Variants in RAD54B observed in about 807,000 individuals in gnomAD.
RAD54B encodes the protein RAD54 homolog B, also known as DNA repair and recombination protein RAD54B.
Under a neutral mutation model 95.8 loss-of-function variants are expected in RAD54B, and 78 were observed. The observed-to-expected ratio is 0.81, with a 90% CI of 0.68 to 0.98. The LOEUF (loss-of-function observed/expected upper bound fraction) is 0.98. Ranked by LOEUF, RAD54B falls within the 50% of genes least tolerant of loss-of-function variation. The pLI is 0.00. For missense variants in RAD54B, 957 were observed against 1,056.6 expected, an observed-to-expected ratio of 0.91 and a Z score of 1.31; for synonymous variants, 328 against 354.9, an observed-to-expected ratio of 0.92 and a Z score of 0.85.
chr8:94,386,322 TG>T (rs1304227311), intron 11 of RAD54B, among the ~76,000 whole-genome samples: 1 of 152,148 alleles, frequency 6.6e-6, no homozygotes, highest in East Asian at 1.9e-4. Context: ...CAAGGAATAA[TG>T]GGACAAGATG....
chr8:94,385,291 T>C (rs1242477383), intron 11 of RAD54B, among the ~76,000 whole-genome samples: 2 of 151,468 alleles, frequency 1.3e-5, no homozygotes, highest in African/African-American at 4.9e-5. Flanking sequence ...CTTCCAAAAC[T>C]CTTTTCACTC....
chr8:94,411,192 C>A lies in RAD54B; in HGVS notation c.428G>T (p.Gly143Val). 1 of 1,611,340 alleles carries A rather than the reference C, an allele frequency of 6.2e-7. No individual in the cohort carries two copies. Among genetic ancestry groups the A allele is most frequent in the Non-Finnish European group, 8.5e-7 (1 of 1,178,998 alleles). ...TCCTTTTACAATAAGAACAGCATCA[C>A]CTTCCCACTTTTTATGTTTTTTCTT... ...PSKKKHKKWEGDAVLIVKGKS... is the reference protein window; with the variant it reads ...PSKKKHKKWEVDAVLIVKGKS... Residue 143 changes from glycine (G) to valine (V), a missense_variant, in exon 4 of 15, where the codon GGT (glycine) becomes GTT (valine). Coordinates refer to ENST00000336148, the MANE Select transcript of RAD54B (RefSeq NM_012415.3).
intron 3 of RAD54B, among the ~76,000 whole-genome samples, chr8:94,413,747 A>G (rs1811583413): frequency 6.6e-6 from 1 of 152,316 alleles, no homozygotes; most frequent in African/African-American, 2.4e-5. Context: ...CATTAAAAAA[A>G]CAAAAGGGAA....
chr8:94,438,158 A>C (rs1812314990), intron 3 of RAD54B, among the ~76,000 whole-genome samples: 1 of 152,252 alleles, frequency 6.6e-6, no homozygotes, highest in Non-Finnish European at 1.5e-5. Flanking sequence ...GTAGTTCCAC[A>C]GAAATGCTAT....
At chr8:94,447,114 A>C (rs1812540429) in intron 3 of RAD54B, among the ~76,000 whole-genome samples, 2 of 152,204 alleles carry the variant, frequency 1.3e-5, no homozygotes, top group South Asian at 4.1e-4. Flanking sequence ...TGTGATGTTA[A>C]GCAGTTAAGA....
chr8:94,458,344 G>T lies in RAD54B; in HGVS notation c.228C>A (p.Ile76=). The T allele has an allele frequency of 1.9e-6, 3 of 1,610,008 alleles. No homozygotes were observed. Among genetic ancestry groups the T allele is most frequent in the Non-Finnish European group, 2.5e-6 (3 of 1,178,394 alleles). ...NLPSEESTRE[I]NNRDNCSGKY... ...TTCCACTGCAATTATCTCTGTTATT[G>T]ATTTCTCTAGTACTTTCTTCACTAG... Residue 76 remains isoleucine (I), a synonymous_variant, in exon 3 of 15, where the codon ATC becomes ATA. Coordinates refer to ENST00000336148, the MANE Select transcript of RAD54B (RefSeq NM_012415.3).
chr8:94,449,171 T>A (rs1812594178), intron 3 of RAD54B, among the ~76,000 whole-genome samples: 1 of 151,734 alleles, frequency 6.6e-6, no homozygotes, highest in South Asian at 2.1e-4. Context: ...TATTAGGTCT[T>A]ATACCACACC....
intron 8 of RAD54B, 48 bp from the exon 9 acceptor site, chr8:94,393,930 T>A (rs199934706): frequency 6.7e-7 from 1 of 1,492,566 alleles, no homozygotes; most frequent in African/African-American, 1.4e-5. Flanking sequence ...TGTTTTACAA[T>A]CACAATCTCA....
intron 11 of RAD54B, among the ~76,000 whole-genome samples, chr8:94,385,351 A>C (rs762752723): frequency 1.7e-4 from 9 of 54,524 alleles, no homozygotes; most frequent in Non-Finnish European, 2.6e-4. Context: ...CCTTCAGAGA[A>C]AAAAAAAAGT....
chr8:94,372,338 T>C lies in RAD54B; in HGVS notation c.2565A>G (p.Pro855=), dbSNP rs750478110. Residue 855 remains proline (P), a synonymous_variant, in exon 15 of 15, where the codon CCA becomes CCG. Transcript: ENST00000336148. Reference sequence around the variant, plus strand: ...TCAGGGAGTTAGATTTCTGGTGATGTGGACCAAGCTGACAATCTCTAGAGA... The same window carrying C: ...TCAGGGAGTTAGATTTCTGGTGATGCGGACCAAGCTGACAATCTCTAGAGA... ...FIVSRDCQLG[P]HHQKSNSLKP... The C allele has an allele frequency of 6.2e-7, 1 of 1,613,802 alleles. No homozygotes were observed.
intron 14 of RAD54B, among the ~76,000 whole-genome samples, chr8:94,377,714 C>A (rs982388704): frequency 6.6e-5 from 10 of 151,784 alleles, no homozygotes; most frequent in African/African-American, 2.2e-4. Context: ...CGGTGGCTCA[C>A]GCCTGTAATC....
At chr8:94,423,306 C>T (rs1052153744) in intron 3 of RAD54B, among the ~76,000 whole-genome samples, 2 of 152,092 alleles carry the variant, frequency 1.3e-5, no homozygotes, top group Admixed American at 1.3e-4. Flanking sequence ...TTGCTTGAAC[C>T]CAGAAGGCGG....
chr8:94,390,654 G>A (rs548984214), intron 10 of RAD54B, among the ~76,000 whole-genome samples: 323 of 124,412 alleles, frequency 2.6e-3, no homozygotes, highest in African/African-American at 8.4e-3. Context: ...CCAAAAAAAT[G>A]GGGATGGTAA....
At chr8:94,373,995 C>A (rs762557716) in intron 14 of RAD54B, among the ~76,000 whole-genome samples, 1 of 152,110 alleles carries the variant, frequency 6.6e-6, no homozygotes, top group Non-Finnish European at 1.5e-5. Flanking sequence ...AAAGAGATGA[C>A]AAGGCCGGGC....
intron 3 of RAD54B, among the ~76,000 whole-genome samples, chr8:94,444,421 A>C (rs1034339837): frequency 2.0e-5 from 3 of 151,994 alleles, no homozygotes; most frequent in African/African-American, 4.8e-5. Flanking sequence ...AAAAAAAAAA[A>C]AAAACTAAAA....
chr8:94,375,364 G>A (rs1443124355), intron 14 of RAD54B, among the ~76,000 whole-genome samples: 4 of 152,060 alleles, frequency 2.6e-5, no homozygotes, highest in African/African-American at 9.7e-5. Flanking sequence ...GAATCATGGG[G>A]GCAGGTCTTT....
intron 3 of RAD54B, among the ~76,000 whole-genome samples, chr8:94,448,213 GT>G (rs767954590): frequency 1.3e-5 from 2 of 151,618 alleles, no homozygotes; most frequent in Admixed American, 1.3e-4. Context: ...ATAGTTTTGG[GT>G]TTTTTTTGTC....
intron 3 of RAD54B, among the ~76,000 whole-genome samples, chr8:94,447,932 G>A (rs1812559789): frequency 6.6e-6 from 1 of 152,160 alleles, no homozygotes; most frequent in Non-Finnish European, 1.5e-5. Context: ...GGAATTTCCA[G>A]TTATACATGC....
intron 1 of RAD54B, among the ~76,000 whole-genome samples, chr8:94,472,917 T>C (rs1198796487): frequency 6.6e-6 from 1 of 152,072 alleles, no homozygotes; most frequent in Non-Finnish European, 1.5e-5. Context: ...AATGCAAGCA[T>C]ACAACCATCA....
Sources: gnomAD v4.1 joint callset for allele counts (sites outside exome capture counted in the v4.1 genomes callset) on GRCh38, gnomAD v4.1.1 for gene constraint, MANE v1.5 for transcripts, NCBI Gene and HGNC (gene_info 2026-07-23, HGNC 2026-07-21) for gene names.